The following AMY2A variants were observed in gnomAD, a reference collection of about 807,000 sequenced individuals.
The protein encoded by AMY2A is amylase alpha 2A, also known as pancreatic alpha-amylase.
In AMY2A, 16 loss-of-function variants were observed where a neutral mutation model predicts 43.0. The ratio of observed to expected loss-of-function variants is 0.37; its 90% CI spans 0.25 to 0.56. AMY2A has a LOEUF of 0.56. Among genes scored for constraint, AMY2A ranks in the 20% least tolerant of loss-of-function variants. The pLI is 0.77. For synonymous variants in AMY2A, 70 were observed against 144.6 expected, an observed-to-expected ratio of 0.48 and a Z score of 3.70; for missense variants, 212 against 456.8, an observed-to-expected ratio of 0.46 and a Z score of 4.89.
intron 7 of AMY2A, among the ~76,000 whole-genome samples, 164 bp from the exon 8 acceptor site, chr1:103,623,702 G>A (rs309662): frequency 5.1e-5 from 6 of 118,716 alleles, no homozygotes; most frequent in East Asian, 2.0e-4. Flanking sequence ...GAGAGATGAT[G>A]AAGACCCAGT....
At position 103,623,982 on chromosome 1, in the gene AMY2A, A is replaced by T. The variant is rs1653259354; in HGVS notation, c.1218A>T (p.Ile406=). Residue 406 remains isoleucine, a splice_region_variant and synonymous_variant, in exon 8 of 10, where the codon ATA becomes ATT. Coordinates refer to ENST00000414303, the MANE Select transcript of AMY2A (RefSeq NM_000699.4). ...DWVCEHRWRQ[I]RNMVIFRNVV... Reference sequence around the variant, plus strand: ...TCTGTGAACATCGATGGCGCCAAATAAGGTGAGAATATGTATTTAGACATG... The same window carrying T: ...TCTGTGAACATCGATGGCGCCAAATTAGGTGAGAATATGTATTTAGACATG... The T allele has an allele frequency of 6.2e-7, 1 of 1,611,662 alleles. No homozygotes were observed. The highest frequency in any genetic ancestry group is 8.5e-7 in the Non-Finnish European group (1 of 1,179,696).
At chr1:103,617,282 T>G (rs778386883), upstream of AMY2A, 21 of 1,408,600 alleles carry the variant, frequency 1.5e-5, 1 homozygote, top group Non-Finnish European at 1.9e-5. Flanking sequence ...CTTTTTGATG[T>G]TCTTTACCTG....
chr1:103,619,865 TC>T (rs1191925425), intron 4 of AMY2A, 81 bp downstream of exon 4: 1 of 1,572,178 alleles, frequency 6.4e-7, no homozygotes, highest in African/African-American at 1.4e-5. Context: ...AAATGCAATT[TC>T]TGTAGGATAA....
In AMY2A at chr1:103,617,621, C is replaced by G; in HGVS notation, c.168+13C>G. The G allele has an allele frequency of 6.2e-7, 1 of 1,600,918 alleles. No homozygotes were observed. The highest frequency in any genetic ancestry group is 1.1e-5 in the South Asian group (1 of 90,860). ...TGGAGGGGTTCAGGTGGGTATGATT[C>G]ATAGTATCAATTGCGGAATTCACTG... On this transcript the variant is annotated intron_variant, in intron 1 of 9. Coordinates refer to ENST00000414303, the MANE Select transcript of AMY2A (RefSeq NM_000699.4).
rs540894801 is a variant in AMY2A, at chr1:103,623,292, A to C, written c.1102-574A>C. Among the ~76,000 whole-genome samples, 3 of 136,802 alleles carry C rather than the reference A, an allele frequency of 2.2e-5. No individual in the cohort carries two copies. The East Asian group carries it at 5.8e-4, about 26-fold the overall frequency. 89.7% of individuals were successfully genotyped at this position (136,802 alleles called of 152,430 possible). A position where few individuals can be genotyped will look rare whatever the true frequency, so the allele number is the denominator to read the frequency against. ...TACTAATGCCCTTCCCATTTCAATG[A>C]CATTGCATGGCTTACCACGATGTTA... On this transcript the variant is annotated intron_variant, in intron 7 of 9. Coordinates refer to ENST00000414303, the MANE Select transcript of AMY2A (RefSeq NM_000699.4).
chr1:103,624,851 G>T lies in AMY2A; in HGVS notation c.1346+630G>T, dbSNP rs1331491321. On this transcript the variant is annotated intron_variant, in intron 9 of 9. Transcript: ENST00000414303. The stretch of plus-strand genomic sequence containing the variant: ...TATATGCTTTACCTGAAGCATAAAT[G>T]ATTATCTAAGATATAGCTCAGAAGA... 2.3e-5 allele frequency among the ~76,000 whole-genome samples: 3 copies of T among 130,586 alleles called. 1 individual carries two copies. The highest frequency in any genetic ancestry group is 9.2e-5 in the African/African-American group (3 of 32,458). The allele number at this position is 130,586 out of a possible 152,430, so 85.7% of individuals were successfully genotyped here.
At position 103,623,592 on chromosome 1, in the gene AMY2A, G is replaced by A. The variant is rs1379258821; in HGVS notation, c.1102-274G>A. Among the ~76,000 whole-genome samples the A allele has an allele frequency of 7.7e-3, 779 of 100,926 alleles. 11 individuals are homozygous for A. The highest frequency in any genetic ancestry group is 0.037 in the African/African-American group (727 of 19,852). 66.2% of individuals were successfully genotyped at this position (100,926 alleles called of 152,430 possible). The stretch of plus-strand genomic sequence containing the variant: ...ATCATGCCACTGTACTCCAGCCTGG[G>A]TGACAGAGCAAAGAAGCCTTTGCAG... On this transcript the variant is annotated intron_variant, in intron 7 of 9. Coordinates refer to ENST00000414303, the MANE Select transcript of AMY2A (RefSeq NM_000699.4).
chr1:103,618,322 G>A (rs1226002868), intron 2 of AMY2A, among the ~76,000 whole-genome samples: 4 of 150,702 alleles, frequency 2.7e-5, no homozygotes, highest in African/African-American at 9.7e-5. Flanking sequence ...ATCAGAATTT[G>A]CTTCTAAAGC....
At chr1:103,617,164 C>T (rs1161711842), upstream of AMY2A, 4 of 979,332 alleles carry the variant, frequency 4.1e-6, no homozygotes, top group African/African-American at 6.4e-5. Context: ...TATGTGAGAA[C>T]ATTAGGCCCC....
intron 5 of AMY2A, 53 bp downstream of exon 5, chr1:103,620,737 T>TG: frequency 3.5e-6 from 4 of 1,133,440 alleles, no homozygotes; most frequent in Non-Finnish European, 5.0e-6. Context: ...TTAGTCATAC[T>TG]ACCTCAGTGT....
At chr1:103,617,354 A>G, upstream of AMY2A, 2 of 1,550,156 alleles carry the variant, frequency 1.3e-6, no homozygotes, top group Non-Finnish European at 1.8e-6. Context: ...TCAAGTATTT[A>G]TTCATGCTAA....
rs148507365 is a variant in AMY2A, at chr1:103,617,574, G to A, written c.134G>A (p.Arg45Gln). ...RWVDIALECE[R>Q]YLAPKGFGGV... ...GTTGATATTGCTCTTGAATGTGAGC[G>A]ATATTTAGCTCCGAAGGGATTTGGA... is the stretch of plus-strand genomic sequence containing the variant. Residue 45 changes from arginine to glutamine, a missense_variant, in exon 1 of 10, where the codon CGA (arginine) becomes CAA (glutamine). Arg to Gln is a conservative substitution (Grantham distance 43). This residue lies in a region of AMY2A where 199 missense variants were observed against 210.6 expected (regional missense o/e 0.94). Transcript: ENST00000414303. The A allele has an allele frequency of 4.4e-6, 7 of 1,600,776 alleles. No homozygotes were observed. The highest frequency in any genetic ancestry group is 4.5e-5 in the East Asian group (2 of 44,866).
At chr1:103,619,267 G>A (rs973041965) in intron 3 of AMY2A, among the ~76,000 whole-genome samples, 159 bp downstream of exon 3, 12 of 149,344 alleles carry the variant, frequency 8.0e-5, no homozygotes, top group East Asian at 3.9e-4. Context: ...CCATATTTAA[G>A]AACTTTCAAA....
At chr1:103,618,238 A>C (rs1570667044) in intron 2 of AMY2A, 138 bp downstream of exon 2, 1 of 1,365,806 alleles carries the variant, frequency 7.3e-7, no homozygotes. Flanking sequence ...CTCAAAATTA[A>C]CTGTTTATTT....
At chr1:103,617,094 T>C (rs566549056), upstream of AMY2A, 1 of 979,208 alleles carries the variant, frequency 1.0e-6, no homozygotes, top group African/African-American at 1.6e-5. Context: ...TATGTAAAGT[T>C]TTTTTGTATG....
chr1:103,619,252 C>T lies in AMY2A; in HGVS notation c.513+144C>T. ...ACAAGTTTGACTACTTTAAGAAACT[C>T]AAATCCATATTTAAGAACTTTCAAA... On this transcript the variant is annotated intron_variant, in intron 3 of 9. Coordinates refer to ENST00000414303, the MANE Select transcript of AMY2A (RefSeq NM_000699.4). 3 of 890,614 alleles carry T rather than the reference C, an allele frequency of 3.4e-6. No homozygotes were observed. In the Admixed American group the frequency reaches 9.0e-5, roughly 27 times the overall value. 55.2% of individuals were successfully genotyped at this position (890,614 alleles called of 1,614,324 possible). A position where few individuals can be genotyped will look rare whatever the true frequency, so the allele number is the denominator to read the frequency against.
intron 1 of AMY2A, 77 bp downstream of exon 1, chr1:103,617,685 C>A: frequency 5.6e-6 from 9 of 1,596,580 alleles, no homozygotes; most frequent in Non-Finnish European, 7.7e-6. Context: ...ATCTGTGAAG[C>A]TTGGGCAACA....
intron 2 of AMY2A, among the ~76,000 whole-genome samples, chr1:103,618,391 T>G (rs896531756): frequency 6.6e-6 from 1 of 150,778 alleles, no homozygotes; most frequent in Non-Finnish European, 1.5e-5. Context: ...ATTTACTGGT[T>G]AGGAAGTATA....
chr1:103,617,094 T>A (rs566549056), upstream of AMY2A: 2,609 of 979,186 alleles, frequency 2.7e-3, 82 homozygotes, highest in African/African-American at 0.04. Flanking sequence ...TATGTAAAGT[T>A]TTTTTGTATG....
Sources: allele counts gnomAD v4.1 joint callset (sites outside exome capture counted in the v4.1 genomes callset), GRCh38; gene constraint gnomAD v4.1.1; regional missense constraint gnomAD v4.1.1; transcripts MANE v1.5; gene names NCBI Gene and HGNC (gene_info 2026-07-23, HGNC 2026-07-21).